The following DIAPH2 variants were observed in gnomAD, a reference collection of about 807,000 sequenced individuals.
DIAPH2 encodes diaphanous related formin 2.
DIAPH2 carries 35 observed loss-of-function variants against 92.7 expected under a neutral mutation model. The ratio of observed to expected loss-of-function variants is 0.38; its 90% confidence interval spans 0.29 to 0.50. The LOEUF (loss-of-function observed/expected upper bound fraction) is 0.50, where lower values mean the gene tolerates loss of function less well. DIAPH2 is among the 20% of genes least tolerant of loss of function. The pLI is 0.94. For synonymous variants in DIAPH2, 301 were observed against 280.4 expected, an observed-to-expected ratio of 1.07 and a Z score of -0.73; for missense variants, 701 against 819.5, an observed-to-expected ratio of 0.86 and a Z score of 1.77.
intron 20 of DIAPH2, among the ~76,000 whole-genome samples, chrX:97,105,988 A>AT (rs1412393792): frequency 9.0e-6 from 1 of 111,201 alleles, no homozygotes; most frequent in Non-Finnish European, 1.9e-5. Flanking sequence ...GTGCTTTTTA[A>AT]TTTTTTTAAA....
intron 26 of DIAPH2, among the ~76,000 whole-genome samples, chrX:97,589,027 A>ATATATATATAT (rs748240865): frequency 1.0e-3 from 88 of 85,056 alleles, no homozygotes; most frequent in Admixed American, 1.6e-3. Flanking sequence ...ATATATATAT[A>ATATATATATAT]AAAGAATCAG....
intron 4 of DIAPH2, among the ~76,000 whole-genome samples, chrX:96,814,534 G>T (rs948993646): frequency 8.9e-6 from 1 of 112,095 alleles, no homozygotes; most frequent in African/African-American, 3.2e-5. Flanking sequence ...CTGTCAGCTC[G>T]TCAAAGTCAT....
chrX:97,280,457 C>G (rs1258551026), intron 23 of DIAPH2, among the ~76,000 whole-genome samples: 1 of 110,622 alleles, frequency 9.0e-6, no homozygotes, highest in African/African-American at 3.3e-5. Flanking sequence ...TGGGAGACAG[C>G]GAGTCTCCGT....
At chrX:96,930,663 T>C in intron 9 of DIAPH2, 70 bp from the exon 10 acceptor site, 1 of 755,974 alleles carries the variant, frequency 1.3e-6, no homozygotes, top group Non-Finnish European at 2.0e-6. Context: ...TTAGTGAATA[T>C]ATTATCTTAA....
chrX:97,538,773 C>T (rs2071116655), intron 26 of DIAPH2, among the ~76,000 whole-genome samples: 1 of 111,598 alleles, frequency 9.0e-6, no homozygotes, highest in African/African-American at 3.2e-5. Flanking sequence ...CCAGAAACTC[C>T]CTCTCAAATA....
chrX:96,811,816 A>G (rs185769205), intron 4 of DIAPH2, among the ~76,000 whole-genome samples: 187 of 111,823 alleles, frequency 1.7e-3, no homozygotes, highest in Non-Finnish European at 3.0e-3. Flanking sequence ...TATATGCTGG[A>G]TTACGTTTAT....
chrX:96,947,170 G>A (rs777450974), intron 14 of DIAPH2, among the ~76,000 whole-genome samples: 6 of 111,443 alleles, frequency 5.4e-5, no homozygotes, highest in East Asian at 2.8e-4. Context: ...TGTGATCCCC[G>A]TTTGCTGTGT....
chrX:96,933,764 C>T (rs1188938081), intron 10 of DIAPH2, among the ~76,000 whole-genome samples: 4 of 90,333 alleles, frequency 4.4e-5, no homozygotes, highest in Admixed American at 1.2e-4. Context: ...CCATCATGCC[C>T]GGCTAATTTT....
intron 26 of DIAPH2, among the ~76,000 whole-genome samples, chrX:97,531,237 CCCTT>C (rs2071057882): frequency 9.0e-6 from 1 of 111,700 alleles, no homozygotes; most frequent in Non-Finnish European, 1.9e-5. Context: ...CTCTCCCTTC[CCCTT>C]CCTTCTTCCA....
chrX:97,372,297 C>T (rs1407195237), intron 24 of DIAPH2, among the ~76,000 whole-genome samples: 1 of 112,485 alleles, frequency 8.9e-6, no homozygotes, highest in Non-Finnish European at 1.9e-5. Context: ...GAGATTTGCA[C>T]ATAACAGTCT....
intron 26 of DIAPH2, among the ~76,000 whole-genome samples, chrX:97,551,651 A>G (rs1190114104): frequency 9.0e-6 from 1 of 110,736 alleles, no homozygotes; most frequent in East Asian, 2.8e-4. Flanking sequence ...TAAAATTTGC[A>G]CTATTATGAT....
intron 22 of DIAPH2, among the ~76,000 whole-genome samples, chrX:97,234,794 A>G (rs1433084947): frequency 3.6e-5 from 4 of 112,257 alleles, no homozygotes; most frequent in Non-Finnish European, 7.5e-5. Context: ...ACAGGCAGCC[A>G]GCTAGATATG....
At chrX:96,728,043 C>CA (rs1225289870) in intron 1 of DIAPH2, among the ~76,000 whole-genome samples, 2,409 of 26,861 alleles carry the variant, frequency 0.09, 115 homozygotes, top group African/African-American at 0.28. Context: ...GACTCCGTCT[C>CA]AAAAAAAAAA....
intron 26 of DIAPH2, among the ~76,000 whole-genome samples, chrX:97,434,599 A>G (rs967555587): frequency 7.3e-5 from 8 of 108,844 alleles, no homozygotes; most frequent in African/African-American, 2.7e-4. Flanking sequence ...TTTAGTAGAG[A>G]CGAGGTTTCA....
intron 17 of DIAPH2, among the ~76,000 whole-genome samples, chrX:97,068,982 G>T (rs940472603): frequency 1.3e-4 from 15 of 111,239 alleles, no homozygotes; most frequent in Middle Eastern, 4.6e-3. Context: ...GTTTTCCTGA[G>T]ACGGAGTTTC....
intron 26 of DIAPH2, among the ~76,000 whole-genome samples, chrX:97,529,637 T>C (rs5921844): frequency 0.028 from 3,089 of 111,764 alleles, 34 homozygotes; most frequent in Non-Finnish European, 0.039. Context: ...TAAGGGCATA[T>C]ATAGAAAAAT....
chrX:97,381,907 G>GT (rs951438451), intron 24 of DIAPH2, among the ~76,000 whole-genome samples: 5 of 110,853 alleles, frequency 4.5e-5, no homozygotes, highest in African/African-American at 1.6e-4. Context: ...GTAACCAGCC[G>GT]TTTTTTTTCC....
At chrX:97,183,920 C>G (rs2067560393) in intron 22 of DIAPH2, among the ~76,000 whole-genome samples, 2 of 112,314 alleles carry the variant, frequency 1.8e-5, no homozygotes, top group South Asian at 3.7e-4. Context: ...TAATGAGCAG[C>G]AAAAAGCAAT....
At chrX:97,583,128 C>T (rs2071452019) in intron 26 of DIAPH2, among the ~76,000 whole-genome samples, 3 of 111,499 alleles carry the variant, frequency 2.7e-5, no homozygotes, top group Admixed American at 1.9e-4. Context: ...AATATCCTCC[C>T]GTAGCTCAGA....
Sources: allele counts gnomAD v4.1 joint callset (sites outside exome capture counted in the v4.1 genomes callset), GRCh38; gene constraint gnomAD v4.1.1; transcripts MANE v1.5; gene names NCBI Gene and HGNC (gene_info 2026-07-23, HGNC 2026-07-21).